GLT1D1: variants seen among roughly 807,000 people sequenced by gnomAD.
The protein encoded by GLT1D1 is glycosyltransferase 1 domain-containing protein 1.
GLT1D1 carries 21 observed loss-of-function variants against 28.7 expected under a neutral mutation model. That is an observed-to-expected ratio of 0.73 (90% confidence interval 0.52 to 1.05). The LOEUF is 1.05. Ranked by LOEUF, GLT1D1 falls within the 50% of genes least tolerant of loss-of-function variation. The pLI is 0.00. For synonymous variants in GLT1D1, 147 were observed against 124.8 expected, an observed-to-expected ratio of 1.18 and a Z score of -1.19; for missense variants, 343 against 330.6, an observed-to-expected ratio of 1.04 and a Z score of -0.29.
intron 2 of GLT1D1, among the ~76,000 whole-genome samples, chr12:128,884,464 A>G (rs919020302): frequency 1.3e-5 from 2 of 152,240 alleles, no homozygotes; most frequent in South Asian, 2.1e-4. Context: ...TACATTCAAG[A>G]TTTATTGTAC....
intron 4 of GLT1D1, chr12:128,945,122 G>T: frequency 1.4e-6 from 1 of 727,434 alleles, no homozygotes; most frequent in East Asian, 2.6e-5. Flanking sequence ...TCGAAGTATT[G>T]AGTGATACGC....
At chr12:128,912,380 C>T in intron 4 of GLT1D1, 44 bp from the exon 5 acceptor site, 2 of 1,361,138 alleles carry the variant, frequency 1.5e-6, no homozygotes, top group Non-Finnish European at 2.0e-6. Context: ...TTGTCATGCA[C>T]TGTCCAATGT....
Position 128,877,605 on chromosome 12 carries a change from G to A in GLT1D1, c.217+1543G>A, listed in dbSNP as rs185061325. On this transcript the variant is annotated intron_variant, in intron 2 of 7. Transcript: ENST00000281703. ...AAAATGTAACTGAGTGGTATAGTAT[G>A]AAAAGTAAGCCTGTCTCCCACCTCT... 5.5e-3 allele frequency among the ~76,000 whole-genome samples: 845 copies of A among 152,276 alleles called. 6 individuals carry two copies. The highest frequency in any genetic ancestry group is 0.019 in the African/African-American group (803 of 41,546).
At chr12:128,900,020 A>G (rs1026712935) in intron 4 of GLT1D1, among the ~76,000 whole-genome samples, 14 of 152,158 alleles carry the variant, frequency 9.2e-5, no homozygotes, top group Admixed American at 7.9e-4. Flanking sequence ...TAGATCCACA[A>G]GTTAGTTCAT....
At chr12:128,888,819 AGG>A in intron 3 of GLT1D1, 75 bp downstream of exon 3, 4 of 975,190 alleles carry the variant, frequency 4.1e-6, no homozygotes, top group Non-Finnish European at 6.3e-6. Context: ...CCAAAGACCG[AGG>A]GCACCAATTG....
chr12:128,946,969 T>A (rs572274204), intron 5 of GLT1D1, among the ~76,000 whole-genome samples: 1 of 152,288 alleles, frequency 6.6e-6, no homozygotes, highest in Non-Finnish European at 1.5e-5. Context: ...ATTTCTATTC[T>A]TATTGTCTCA....
At position 128,853,581 on chromosome 12, in the gene GLT1D1, C is replaced by T; in HGVS notation, c.-1C>T. On this transcript the variant is annotated 5_prime_UTR_variant, in exon 1 of 8. Transcript: ENST00000281703. ...TCGATGGCCCGGGCGGCGGCGGCGG[C>T]ATGCGGCTCCTGTTCCTGGCGGTGC... The T allele has an allele frequency of 8.9e-7, 1 of 1,128,806 alleles. No homozygotes were observed. The highest frequency in any genetic ancestry group is 1.1e-6 in the Non-Finnish European group (1 of 917,296). 69.9% of individuals were successfully genotyped at this position (1,128,806 alleles called of 1,614,324 possible). A position where few individuals can be genotyped will look rare whatever the true frequency, so the allele number is the denominator to read the frequency against.
intron 1 of GLT1D1, among the ~76,000 whole-genome samples, chr12:128,872,318 G>A (rs1956712831): frequency 6.6e-6 from 1 of 152,204 alleles, no homozygotes; most frequent in Non-Finnish European, 1.5e-5. Context: ...CAAGTAAGAT[G>A]TGACTCCATC....
chr12:128,856,569 G>A (rs1177424547), intron 1 of GLT1D1, among the ~76,000 whole-genome samples: 2 of 152,142 alleles, frequency 1.3e-5, no homozygotes, highest in Non-Finnish European at 2.9e-5. Context: ...GATCTGGAGG[G>A]ATGGTCCCAG....
intron 1 of GLT1D1, among the ~76,000 whole-genome samples, chr12:128,867,830 G>A (rs1032607359): frequency 2.0e-4 from 31 of 152,182 alleles, no homozygotes; most frequent in African/African-American, 7.0e-4. Context: ...AAGCTCGGAG[G>A]GACTGTGGGT....
chr12:128,870,996 C>T (rs1056262475), intron 1 of GLT1D1, among the ~76,000 whole-genome samples: 4 of 152,028 alleles, frequency 2.6e-5, no homozygotes, highest in Admixed American at 6.6e-5. Flanking sequence ...ATCTCAAAAA[C>T]AAACAAACAA....
At chr12:128,899,716 A>AT (rs1202816836) in intron 4 of GLT1D1, among the ~76,000 whole-genome samples, 3 of 151,518 alleles carry the variant, frequency 2.0e-5, no homozygotes, top group South Asian at 2.1e-4. Flanking sequence ...TACCCAGCTA[A>AT]TTTTTTTGTA....
chr12:128,947,530 G>A, intron 6 of GLT1D1, 72 bp downstream of exon 10: 2 of 1,549,420 alleles, frequency 1.3e-6, no homozygotes, highest in Non-Finnish European at 1.8e-6. Flanking sequence ...ATTTACGGAG[G>A]TGACGTCTTT....
intron 4 of GLT1D1, among the ~76,000 whole-genome samples, chr12:128,920,116 GT>G (rs1405818923): frequency 6.6e-6 from 1 of 151,944 alleles, no homozygotes; most frequent in South Asian, 2.1e-4. Context: ...AAACTCACTT[GT>G]TTTTTGTATG....
intron 4 of GLT1D1, among the ~76,000 whole-genome samples, chr12:128,934,374 A>G (rs1015365307): frequency 6.6e-6 from 1 of 151,914 alleles, no homozygotes; most frequent in Non-Finnish European, 1.5e-5. Flanking sequence ...TTGTATTTTT[A>G]GTAGAGACGG....
At chr12:128,892,163 CTT>C (rs1166703875) in intron 3 of GLT1D1, among the ~76,000 whole-genome samples, 2 of 152,178 alleles carry the variant, frequency 1.3e-5, no homozygotes, top group African/African-American at 2.4e-5. Flanking sequence ...AGAGGGGTGA[CTT>C]TGAATAGAAT....
chr12:128,863,789 C>CA (rs1220925959), intron 1 of GLT1D1, among the ~76,000 whole-genome samples: 7 of 151,440 alleles, frequency 4.6e-5, no homozygotes, highest in Non-Finnish European at 8.8e-5. Flanking sequence ...ACTAAAAATA[C>CA]AAAAAAAGTA....
chr12:128,887,154 G>C (rs1278753993), intron 2 of GLT1D1, among the ~76,000 whole-genome samples: 2 of 151,830 alleles, frequency 1.3e-5, no homozygotes, highest in African/African-American at 4.8e-5. Flanking sequence ...TCGGATTACA[G>C]GTGTGCCCCA....
At chr12:128,866,313 C>T (rs931341300) in intron 1 of GLT1D1, among the ~76,000 whole-genome samples, 11 of 151,594 alleles carry the variant, frequency 7.3e-5, no homozygotes, top group African/African-American at 2.2e-4. Flanking sequence ...TCGTGATCCA[C>T]CCGCCTCAGT....
Sources: allele counts gnomAD v4.1 joint callset (sites outside exome capture counted in the v4.1 genomes callset), GRCh38; gene constraint gnomAD v4.1.1; transcripts MANE v1.5; gene names NCBI Gene and HGNC (gene_info 2026-07-23, HGNC 2026-07-21).